Variants in ERCC6 observed in about 807,000 individuals in gnomAD.
ERCC6 encodes the protein DNA excision repair protein ERCC-6.
Under a neutral mutation model 158.7 loss-of-function variants are expected in ERCC6, and 116 were observed. The observed-to-expected ratio is 0.73, with a 90% CI of 0.63 to 0.85. The LOEUF is 0.85. Ranked by LOEUF, ERCC6 falls within the 40% of genes least tolerant of loss-of-function variation. The probability of loss-of-function intolerance (pLI) is 0.00; values close to 1 mark genes in which losing one functional copy is unlikely to be tolerated. For missense variants in ERCC6, 1,698 were observed against 1,799.4 expected (o/e 0.94, Z 1.02); for synonymous variants, 678 against 659.3 (o/e 1.03, Z -0.43).
rs4253225 is a variant in ERCC6, at chr10:49,459,508, G to A, written c.4063-274C>T. ...CCACCACTCAACATGGTGGTGGACA[G>A]GAAGGCAGAGTGGAGGCTTCCAGGC... On this transcript the variant is annotated intron_variant, in intron 20 of 20. Transcript: ENST00000355832. Among the ~76,000 whole-genome samples the A allele has an allele frequency of 8.5e-3, 1,293 of 152,286 alleles. 20 individuals are homozygous for A. The highest frequency in any genetic ancestry group is 0.029 in the African/African-American group (1,204 of 41,560).
chr10:49,481,346 A>C (rs1237501154), intron 10 of ERCC6, among the ~76,000 whole-genome samples: 3 of 152,202 alleles, frequency 2.0e-5, no homozygotes, highest in Non-Finnish European at 4.4e-5. Flanking sequence ...TTTTTTAAAA[A>C]AAAGAATGGT....
Position 49,470,265 on chromosome 10 carries a change from T to C in ERCC6, c.3695A>G (p.Gln1232Arg), listed in dbSNP as rs1850749279. ...IPHLVKKRRY[Q>R]KQDSENKSEA... ...ACTCTTGTTTTCACTGTCTTGCTTC[T>C]GGTAACGCCTTTTCTTCACCAGGTG... The change falls in exon 18 of 21, where the codon CAG (glutamine) becomes CGG (arginine). Residue 1232 changes from glutamine to arginine, a missense_variant. By Grantham distance (43) the Gln-to-Arg change is conservative. Transcript: ENST00000355832. The C allele has an allele frequency of 1.2e-6, 2 of 1,614,188 alleles. No homozygotes were observed. The highest frequency in any genetic ancestry group is 1.7e-6 in the Non-Finnish European group (2 of 1,180,004).
intron 16 of ERCC6, among the ~76,000 whole-genome samples, chr10:49,471,801 C>T (rs1850786058): frequency 2.0e-5 from 3 of 152,198 alleles, no homozygotes; most frequent in Admixed American, 2.0e-4. Context: ...CCTATAAAAG[C>T]TGGGCTATGG....
rs765040780 is a variant in ERCC6 at position 49,524,506 on chromosome 10, CACTGGGGCTGGAGGCGTG to C, written c.906_923del (p.Thr303_Val308del). On this transcript the variant is annotated inframe_deletion, in exon 5 of 21. Transcript: ENST00000355832. Reference sequence around the variant, plus strand: ...TCTTGTTTGGTTTGTTTTTATTTTGCACTGGGGCTGGAGGCGTGACTGGGGCTGGAGCTTTTCTAGCTG... The same window carrying C: ...TCTTGTTTGGTTTGTTTTTATTTTGCACTGGGGCTGGAGCTTTTCTAGCTG... 15 of 1,614,192 alleles carry C rather than the reference CACTGGGGCTGGAGGCGTG, an allele frequency of 9.3e-6. No homozygotes were observed. Among genetic ancestry groups the C allele is most frequent in the South Asian group, 2.2e-5 (2 of 91,082 alleles).
At chr10:49,535,981 T>C (rs1228435838) in intron 1 of ERCC6, among the ~76,000 whole-genome samples, 1 of 152,162 alleles carries the variant, frequency 6.6e-6, no homozygotes, top group African/African-American at 2.4e-5. Context: ...CCAGGCGTGG[T>C]GGTGCATGCC....
chr10:49,537,933 G>A (rs1418897760), intron 1 of ERCC6, among the ~76,000 whole-genome samples: 1 of 152,206 alleles, frequency 6.6e-6, no homozygotes, highest in Non-Finnish European at 1.5e-5. Context: ...CGTTGGTAAG[G>A]CTGGTCTCGA....
chr10:49,478,201 T>C (rs1391257555), intron 11 of ERCC6, among the ~76,000 whole-genome samples, 153 bp downstream of exon 11: 2 of 152,192 alleles, frequency 1.3e-5, no homozygotes, highest in Non-Finnish European at 2.9e-5. Context: ...TAGAGAAGAA[T>C]CCACTGAGGG....
At chr10:49,472,719 T>G in intron 15 of ERCC6, 190 bp downstream of exon 15, 1 of 762,378 alleles carries the variant, frequency 1.3e-6, no homozygotes, top group Non-Finnish European at 2.1e-6. Context: ...ATGCTATGGA[T>G]AAACTGCTGA....
chr10:49,449,603 C>T (rs537907537), downstream of ERCC6, among the ~76,000 whole-genome samples: 4 of 110,836 alleles, frequency 3.6e-5, no homozygotes, highest in South Asian at 1.3e-3. Flanking sequence ...GAGTCTCACT[C>T]TGTCACCCAG....
chr10:49,490,065 T>C (rs971509586), intron 8 of ERCC6, among the ~76,000 whole-genome samples: 22 of 152,218 alleles, frequency 1.4e-4, no homozygotes, highest in Non-Finnish European at 5.9e-5. Flanking sequence ...TCTTGAACTT[T>C]TATTAAATGC....
At chr10:49,491,536 A>C (rs562329360) in intron 8 of ERCC6, among the ~76,000 whole-genome samples, 1 of 152,360 alleles carries the variant, frequency 6.6e-6, no homozygotes, top group South Asian at 2.1e-4. Flanking sequence ...AAGCCACTGC[A>C]ACCAAAAGTG....
chr10:49,444,019 T>C, the ERCC6 span, among the ~76,000 whole-genome samples: 2 of 152,192 alleles, frequency 1.3e-5, no homozygotes, highest in Admixed American at 6.5e-5. Context: ...AAGGAAAGCA[T>C]ACTCAGATGG....
rs1388912671 is a variant in ERCC6, at chr10:49,470,763, G to A, written c.3197C>T (p.Ala1066Val). Residue 1066 changes from alanine to valine, a missense_variant, in exon 18 of 21, where the codon GCC (alanine) becomes GTC (valine). Ala to Val is a moderately conservative substitution (Grantham distance 64). Coordinates refer to ENST00000355832, the MANE Select transcript of ERCC6 (RefSeq NM_000124.4). ...FPASNISVND[A>V]TSSEEKSEAK... The stretch of plus-strand genomic sequence containing the variant: ...CTCAGATTTCTCTTCAGATGATGTG[G>A]CATCATTTACAGATATGTTAGAAGC... The A allele has an allele frequency of 1.7e-5, 28 of 1,613,972 alleles. No individual in the cohort carries two copies. The highest frequency in any genetic ancestry group is 2.2e-5 in the Non-Finnish European group (26 of 1,180,022).
chr10:49,516,588 G>A, intron 5 of ERCC6: 1 of 1,614,058 alleles, frequency 6.2e-7, no homozygotes, highest in South Asian at 1.1e-5. Context: ...TTCAGAGCTA[G>A]TCAAGCCAAG....
At chr10:49,477,673 A>G (rs112545243) in intron 11 of ERCC6, among the ~76,000 whole-genome samples, 40 of 151,456 alleles carry the variant, frequency 2.6e-4, no homozygotes, top group African/African-American at 9.2e-4. Flanking sequence ...CTCCTCTTCT[A>G]CCCTCCTCCT....
chr10:49,442,139 T>C, the ERCC6 span, among the ~76,000 whole-genome samples: 2 of 152,250 alleles, frequency 1.3e-5, no homozygotes, highest in African/African-American at 4.8e-5. Context: ...AACATTGCTT[T>C]TCCTCAGGCA....
Position 49,500,531 on chromosome 10 carries a change from C to T in ERCC6, c.1685+7G>A. The T allele has an allele frequency of 6.2e-7, 1 of 1,613,642 alleles. No homozygotes were observed. The highest frequency in any genetic ancestry group is 8.5e-7 in the Non-Finnish European group (1 of 1,179,724). ...CACAGACTGACAGTCTGCAGAGGAG[C>T]ACTTGCCTGTAATTTGAACCACGAG... is the stretch of plus-strand genomic sequence containing the variant. On this transcript the variant is annotated splice_region_variant and intron_variant, in intron 7 of 20. Coordinates refer to ENST00000355832, the MANE Select transcript of ERCC6 (RefSeq NM_000124.4).
At chr10:49,484,684 G>A (rs1248908762) in intron 8 of ERCC6, among the ~76,000 whole-genome samples, 1 of 152,202 alleles carries the variant, frequency 6.6e-6, no homozygotes, top group African/African-American at 2.4e-5. Flanking sequence ...AGTCTACAGT[G>A]AGCTATAATC....
At chr10:49,475,289 G>C (rs1281028226) in intron 12 of ERCC6, 1 of 335,762 alleles carries the variant, frequency 3.0e-6, no homozygotes, top group East Asian at 7.8e-5. Flanking sequence ...ATGTATTTTA[G>C]ATATATGAAA....
Sources: allele counts gnomAD v4.1 joint callset (sites outside exome capture counted in the v4.1 genomes callset), GRCh38; gene constraint gnomAD v4.1.1; transcripts MANE v1.5; gene names NCBI Gene and HGNC (gene_info 2026-07-23, HGNC 2026-07-21).